Variants in CDHR1 observed in about 807,000 individuals in gnomAD.
CDHR1 encodes cadherin-related family member 1.
Under a neutral mutation model 72.1 loss-of-function variants are expected in CDHR1, and 61 were observed. The observed-to-expected ratio is 0.85, with a 90% CI of 0.69 to 1.05. The LOEUF (loss-of-function observed/expected upper bound fraction) is 1.05. Among genes scored for constraint, CDHR1 ranks in the 50% least tolerant of loss-of-function variants. CDHR1 has a pLI of 0.00. For missense variants in CDHR1, 1,186 were observed against 1,115.7 expected, an observed-to-expected ratio of 1.06 and a Z score of -0.90; for synonymous variants, 470 against 448.1, an observed-to-expected ratio of 1.05 and a Z score of -0.62.
intron 10 of CDHR1, among the ~76,000 whole-genome samples, chr10:84,206,719 T>G (rs1269554913): frequency 6.6e-6 from 1 of 152,172 alleles, no homozygotes; most frequent in African/African-American, 2.4e-5. Context: ...TTCAGTGTGT[T>G]TGGGGCAAAC....
intron 7 of CDHR1, 137 bp from the exon 8 acceptor site, chr10:84,202,843 C>T (rs1842151921): frequency 2.2e-6 from 2 of 924,950 alleles, no homozygotes; most frequent in East Asian, 5.2e-5. Context: ...CTCCGGGTGA[C>T]ACAGAAGCAA....
Position 84,218,560 on chromosome 10 carries a change from C to A in CDHR1, c.*3939C>A. On this transcript the variant is annotated 3_prime_UTR_variant, in exon 17 of 17. Coordinates refer to ENST00000623527, the MANE Select transcript of CDHR1 (RefSeq NM_033100.4). ...AACATTCCTCTCTTTAATTGCTAAT[C>A]GCCTGGGCCTAGGGAGTCTTCATTT... 1 of 985,422 alleles carries A rather than the reference C, an allele frequency of 1.0e-6. No homozygotes were observed. Among genetic ancestry groups the A allele is most frequent in the South Asian group, 4.7e-5 (1 of 21,284 alleles). 61.0% of individuals were successfully genotyped at this position (985,422 alleles called of 1,614,324 possible).
chr10:84,209,593 T>C (rs1397541766), intron 12 of CDHR1, among the ~76,000 whole-genome samples: 3 of 150,672 alleles, frequency 2.0e-5, no homozygotes, highest in Non-Finnish European at 4.4e-5. Context: ...AGACAGTCAT[T>C]ATTTGCAGGT....
In CDHR1 at chr10:84,212,283, T is replaced by C. The variant is rs781289979; in HGVS notation, c.1658T>C (p.Met553Thr). 8.7e-6 allele frequency: 14 copies of C among 1,614,104 alleles called. No individual in the cohort carries two copies. The highest frequency in any genetic ancestry group is 1.0e-5 in the Non-Finnish European group (12 of 1,180,032). ...RYNFYVKAED[M>T]EGKYSVAEVF... ...AACTTCTATGTGAAGGCAGAGGACATGGAAGGCAAGTACAGCGTAGCTGAG... is the reference window on the plus strand; with the variant it reads ...AACTTCTATGTGAAGGCAGAGGACACGGAAGGCAAGTACAGCGTAGCTGAG... The change falls in exon 15 of 17, where the codon ATG becomes ACG. Residue 553 changes from methionine (M) to threonine (T), a missense_variant. By Grantham distance (81) the Met-to-Thr change is moderately conservative (BLOSUM62 -1). Coordinates refer to ENST00000623527, the MANE Select transcript of CDHR1 (RefSeq NM_033100.4).
At chr10:84,219,547 T>G, downstream of CDHR1, 1 of 410,276 alleles carries the variant, frequency 2.4e-6, no homozygotes, top group Non-Finnish European at 4.3e-6. Context: ...ACCCTCAAGA[T>G]CCGTAGACCA....
rs115645231 is a variant in CDHR1 at position 84,194,936 on chromosome 10, G to T, written c.55+121G>T. 4,547 of 968,558 alleles carry T rather than the reference G, an allele frequency of 4.7e-3. 134 individuals carry two copies. In the African/African-American group the frequency reaches 0.067, roughly 14 times the overall value. The allele number at this position is 968,558 out of a possible 1,614,324, so 60.0% of individuals were successfully genotyped here. Reference sequence around the variant, plus strand: ...TTCCAGAGTGGGACTCGGGCTGGTGGACGGGAGCGGAGAAGTCCTTCCATC... The same window carrying T: ...TTCCAGAGTGGGACTCGGGCTGGTGTACGGGAGCGGAGAAGTCCTTCCATC... On this transcript the variant is annotated intron_variant, in intron 1 of 16. Transcript: ENST00000623527.
In CDHR1 at chr10:84,214,460, G is replaced by A. The variant is rs766603040; in HGVS notation, c.2419G>A (p.Ala807Thr). The change falls in exon 17 of 17, where the codon GCC (alanine) becomes ACC (threonine). Residue 807 changes from alanine (A) to threonine (T), a missense_variant. Coordinates refer to ENST00000623527, the MANE Select transcript of CDHR1 (RefSeq NM_033100.4). The part of the protein sequence containing the change: ...PPSVAPSTGA[A>T]QWTVPTVSGS... ...CAGCGTGGCGCCCAGCACTGGCGCA[G>A]CCCAGTGGACCGTGCCTACTGTCTC... The A allele has an allele frequency of 6.2e-7, 1 of 1,611,550 alleles. No homozygotes were observed.
intron 5 of CDHR1, 67 bp downstream of exon 5, chr10:84,199,188 C>T: frequency 3.0e-6 from 4 of 1,342,762 alleles, no homozygotes; most frequent in Non-Finnish European, 4.2e-6. Context: ...CTGGGGCTGC[C>T]CTGTGGCCTG....
chr10:84,218,912 T>A (rs939793520), downstream of CDHR1, among the ~76,000 whole-genome samples: 5 of 152,158 alleles, frequency 3.3e-5, no homozygotes, highest in Non-Finnish European at 5.9e-5. Flanking sequence ...TTTATTATTG[T>A]GACATTTACT....
chr10:84,212,154 C>T (rs1425492660), intron 14 of CDHR1, 25 bp from the exon 15 acceptor site: 1 of 1,581,008 alleles, frequency 6.3e-7, no homozygotes, highest in East Asian at 2.2e-5. Flanking sequence ...CGTGCACACC[C>T]ATGCCTATGT....
chr10:84,205,736 C>T, intron 9 of CDHR1, 91 bp from the exon 10 acceptor site: 1 of 825,984 alleles, frequency 1.2e-6, no homozygotes, highest in East Asian at 2.5e-5. Context: ...ATGAAGACTT[C>T]CCTAGGCAAT....
chr10:84,196,777 G>C (rs1170071176), intron 3 of CDHR1, 127 bp downstream of exon 3: 2 of 1,079,652 alleles, frequency 1.9e-6, no homozygotes, highest in African/African-American at 1.5e-5. Context: ...GCACACCCCA[G>C]GCACATCCAC....
chr10:84,196,689 T>A (rs1226811410), intron 3 of CDHR1, 39 bp downstream of exon 3: 10 of 1,613,010 alleles, frequency 6.2e-6, no homozygotes, highest in African/African-American at 1.3e-5. Context: ...GGCCACTGCC[T>A]GTAGACAGAC....
intron 11 of CDHR1, 51 bp downstream of exon 11, chr10:84,208,428 A>C (rs780988543): frequency 1.3e-6 from 2 of 1,590,198 alleles, no homozygotes; most frequent in Admixed American, 1.7e-5. Context: ...TATGAAGCCA[A>C]GGTCCCAAAG....
In CDHR1 at chr10:84,218,273, T is replaced by C. The variant is rs944622336; in HGVS notation, c.*3652T>C. The C allele has an allele frequency of 6.1e-6, 6 of 985,310 alleles. No homozygotes were observed. The highest frequency in any genetic ancestry group is 7.2e-6 in the Non-Finnish European group (6 of 829,940). 61.0% of individuals were successfully genotyped at this position (985,310 alleles called of 1,614,324 possible). On this transcript the variant is annotated 3_prime_UTR_variant, in exon 17 of 17. Coordinates refer to ENST00000623527, the MANE Select transcript of CDHR1 (RefSeq NM_033100.4). The stretch of plus-strand genomic sequence containing the variant: ...CCTAGTTTCCAGAATGAGGCGGTCA[T>C]GGCTTAAGCGACCATCATTTGATCA...
chr10:84,198,961 A>T, intron 4 of CDHR1, 71 bp from the exon 5 acceptor site: 1 of 1,113,234 alleles, frequency 9.0e-7, no homozygotes, highest in Non-Finnish European at 1.3e-6. Flanking sequence ...TTGGAGTGAT[A>T]GAGGTCGCTA....
chr10:84,217,965 G>A lies in CDHR1; in HGVS notation c.*3344G>A. 1 of 985,466 alleles carries A rather than the reference G, an allele frequency of 1.0e-6. No individual in the cohort carries two copies. The highest frequency in any genetic ancestry group is 1.2e-6 in the Non-Finnish European group (1 of 829,950). 61.0% of individuals were successfully genotyped at this position (985,466 alleles called of 1,614,324 possible). A position where few individuals can be genotyped will look rare whatever the true frequency, so the allele number is the denominator to read the frequency against. On this transcript the variant is annotated 3_prime_UTR_variant, in exon 17 of 17. Transcript: ENST00000623527. ...TGCTAGAAAAGTGTGATCAGAGCTG[G>A]GAAGGAGCCACCATGCTCTGCTTCT... is the stretch of plus-strand genomic sequence containing the variant.
chr10:84,205,831 C>T lies in CDHR1; in HGVS notation c.867C>T (p.Asn289=), dbSNP rs762256087. 36 of 1,613,070 alleles carry T rather than the reference C, an allele frequency of 2.2e-5. No homozygotes were observed. The highest frequency in any genetic ancestry group is 1.3e-4 in the East Asian group (6 of 44,878). ...NRILYSLVNG[N]DGAFEINETS... Reference sequence around the variant, plus strand: ...AGGGTGCATCTCCCTTGACAGGGAACGATGGAGCCTTTGAAATTAATGAGA... The same window carrying T: ...AGGGTGCATCTCCCTTGACAGGGAATGATGGAGCCTTTGAAATTAATGAGA... Residue 289 remains asparagine, a synonymous_variant, in exon 10 of 17, where the codon AAC becomes AAT. Coordinates refer to ENST00000623527, the MANE Select transcript of CDHR1 (RefSeq NM_033100.4).
chr10:84,215,822 C>A lies in CDHR1; in HGVS notation c.*1201C>A. The A allele has an allele frequency of 1.0e-6, 1 of 985,532 alleles. No homozygotes were observed. The highest frequency in any genetic ancestry group is 1.2e-6 in the Non-Finnish European group (1 of 830,026). The allele number at this position is 985,532 out of a possible 1,614,324, so 61.0% of individuals were successfully genotyped here. On this transcript the variant is annotated 3_prime_UTR_variant, in exon 17 of 17. Transcript: ENST00000623527. The stretch of plus-strand genomic sequence containing the variant: ...GGCTACCACTGGATGATGGCATTGC[C>A]GTGACTCACACACCTCTACTTCTGT...
Sources: allele counts gnomAD v4.1 joint callset (sites outside exome capture counted in the v4.1 genomes callset), GRCh38; gene constraint gnomAD v4.1.1; transcripts MANE v1.5; gene names NCBI Gene and HGNC (gene_info 2026-07-23, HGNC 2026-07-21).